FILIP1L: variants seen among roughly 807,000 people sequenced by gnomAD.
FILIP1L encodes the protein filamin A-interacting protein 1-like.
A neutral mutation model predicts 96.6 loss-of-function variants in FILIP1L; 55 were observed. The observed-to-expected ratio is 0.57, with a 90% CI of 0.46 to 0.71. The LOEUF is 0.71. FILIP1L is among the 30% of genes least tolerant of loss of function. The pLI, the probability that FILIP1L is intolerant of heterozygous loss-of-function variation, is 0.00. For synonymous variants in FILIP1L, 467 were observed against 473.9 expected (o/e 0.99, Z 0.19); for missense variants, 1,304 against 1,321.2 (o/e 0.99, Z 0.20).
chr3:99,961,021 C>A (rs546642833), intron 1 of FILIP1L, among the ~76,000 whole-genome samples: 2 of 152,176 alleles, frequency 1.3e-5, no homozygotes, highest in South Asian at 4.1e-4. Flanking sequence ...TTATCAGGAA[C>A]ATATTCGTTA....
chr3:99,963,847 A>G (rs1450424914), intron 1 of FILIP1L, among the ~76,000 whole-genome samples: 1 of 151,836 alleles, frequency 6.6e-6, no homozygotes, highest in Non-Finnish European at 1.5e-5. Context: ...TGAACTCCTC[A>G]TCTTGTGATC....
chr3:100,092,365 A>G (rs2066125056), intron 1 of FILIP1L, among the ~76,000 whole-genome samples: 1 of 152,110 alleles, frequency 6.6e-6, no homozygotes, highest in Admixed American at 6.5e-5. Context: ...GTTTACCCCA[A>G]AGACAATGGT....
intron 5 of FILIP1L, among the ~76,000 whole-genome samples, chr3:99,835,279 C>T (rs1367863629): frequency 6.6e-6 from 1 of 152,192 alleles, no homozygotes; most frequent in Non-Finnish European, 1.5e-5. Flanking sequence ...GCTACTTTGT[C>T]TGGTCCTTGT....
At chr3:99,916,068 G>A (rs942958007) in intron 4 of FILIP1L, among the ~76,000 whole-genome samples, 1 of 152,128 alleles carries the variant, frequency 6.6e-6, no homozygotes, top group East Asian at 1.9e-4. Flanking sequence ...TGAATAGCTG[G>A]TTAAACATTA....
chr3:99,916,482 A>G lies in FILIP1L; in HGVS notation c.605+7748T>C, dbSNP rs1418638784. Among the ~76,000 whole-genome samples the G allele has an allele frequency of 3.8e-5, 5 of 131,916 alleles. No individual in the cohort carries two copies. The Admixed American group carries it at 3.9e-4, about 10-fold the overall frequency. The allele number at this position is 131,916 out of a possible 152,430, so 86.5% of individuals were successfully genotyped here. On this transcript the variant is annotated intron_variant, in intron 4 of 5. Transcript: ENST00000477258. Reference sequence around the variant, plus strand: ...CACACACACACACACACACACACACACACGTTCTGTTTCTCTGGAGGACCC... The same window carrying G: ...CACACACACACACACACACACACACGCACGTTCTGTTTCTCTGGAGGACCC...
intron 4 of FILIP1L, among the ~76,000 whole-genome samples, chr3:99,901,589 A>G (rs927771246): frequency 6.6e-6 from 1 of 152,238 alleles, no homozygotes; most frequent in African/African-American, 2.4e-5. Flanking sequence ...TGTGCTGACA[A>G]TAATATTACA....
intron 4 of FILIP1L, among the ~76,000 whole-genome samples, chr3:99,890,494 CAT>C (rs747064614): frequency 1.3e-4 from 20 of 152,234 alleles, no homozygotes; most frequent in Middle Eastern, 3.4e-3. Flanking sequence ...AGATTAGACA[CAT>C]GTTAGACTTT....
chr3:99,901,238 G>A (rs559331486), intron 4 of FILIP1L, among the ~76,000 whole-genome samples: 5 of 152,300 alleles, frequency 3.3e-5, no homozygotes, highest in African/African-American at 9.6e-5. Flanking sequence ...AAATAGGATA[G>A]TACCTTCCTT....
intron 1 of FILIP1L, among the ~76,000 whole-genome samples, chr3:99,940,996 TC>T (rs1707833695): frequency 6.6e-6 from 1 of 152,244 alleles, no homozygotes; most frequent in Admixed American, 6.5e-5. Context: ...GGCTCCCCTT[TC>T]CCAGCATCTC....
intron 4 of FILIP1L, among the ~76,000 whole-genome samples, chr3:99,867,732 C>T (rs991338058): frequency 1.3e-5 from 2 of 152,138 alleles, no homozygotes; most frequent in Admixed American, 1.3e-4. Flanking sequence ...GTCCTTTCCT[C>T]CCTTCTTTCC....
At position 99,830,462 on chromosome 3, in the gene FILIP1L, C is replaced by G. The variant is rs1414253601; in HGVS notation, c.3525G>C (p.Val1175=). 2.2e-6 allele frequency: 1 copy of G among 456,378 alleles called. No homozygotes were observed. The highest frequency in any genetic ancestry group is 2.3e-5 in the Admixed American group (1 of 42,556). 28.3% of individuals were successfully genotyped at this position (456,378 alleles called of 1,614,324 possible). Residue 1175 remains valine, a synonymous_variant, in exon 6 of 6, where the codon GTG becomes GTC. Coordinates refer to ENST00000477258, the MANE Select transcript of FILIP1L (RefSeq NM_001387850.1). ...GGAAGGTGTTGGAGGTGACAGTTCT[C>G]ACGATGTGTAGCTTCCCACAGCCAT... ...YQNGCGKLHI[V]RTVTSNTFLH...
chr3:99,860,819 A>G (rs1033559691), intron 4 of FILIP1L, among the ~76,000 whole-genome samples: 4 of 152,178 alleles, frequency 2.6e-5, no homozygotes, highest in Non-Finnish European at 5.9e-5. Flanking sequence ...CTTCTGCAGT[A>G]CTGTATTGTT....
At chr3:99,836,915 G>T (rs1229519106) in intron 5 of FILIP1L, among the ~76,000 whole-genome samples, 2 of 152,208 alleles carry the variant, frequency 1.3e-5, no homozygotes, top group East Asian at 3.8e-4. Context: ...ACAGAGCCAT[G>T]CAGTAAGGAC....
At chr3:99,988,750 A>T (rs548299903) in intron 1 of FILIP1L, among the ~76,000 whole-genome samples, 1 of 152,286 alleles carries the variant, frequency 6.6e-6, no homozygotes, top group South Asian at 2.1e-4. Flanking sequence ...TGCCTCTATA[A>T]CTTTTACAGA....
intron 4 of FILIP1L, among the ~76,000 whole-genome samples, chr3:99,905,678 C>G (rs1270609534): frequency 6.6e-6 from 1 of 152,192 alleles, no homozygotes; most frequent in Non-Finnish European, 1.5e-5. Context: ...CCACTAGCCT[C>G]CTTTGTGGCA....
chr3:100,060,139 A>G (rs2065536265), intron 1 of FILIP1L, among the ~76,000 whole-genome samples: 1 of 152,084 alleles, frequency 6.6e-6, no homozygotes. Context: ...GGTGTGTGTC[A>G]CATGGTGGGT....
intron 1 of FILIP1L, among the ~76,000 whole-genome samples, chr3:99,961,989 G>T (rs568561319): frequency 1.1e-4 from 16 of 152,296 alleles, no homozygotes; most frequent in African/African-American, 2.6e-4. Flanking sequence ...TATTATAGGG[G>T]CCCCAAATTT....
intron 1 of FILIP1L, chr3:100,011,576 A>G (rs187454909): frequency 6.6e-6 from 1 of 152,350 alleles, no homozygotes; most frequent in Non-Finnish European, 1.5e-5. Flanking sequence ...ATGGAATATT[A>G]GCACTTATTG....
intron 1 of FILIP1L, among the ~76,000 whole-genome samples, chr3:99,980,776 G>A (rs1709097079): frequency 6.6e-6 from 1 of 152,132 alleles, no homozygotes; most frequent in African/African-American, 2.4e-5. Flanking sequence ...AGTTACAGGT[G>A]TGACTTGTTT....
Sources: allele counts gnomAD v4.1 joint callset (sites outside exome capture counted in the v4.1 genomes callset), GRCh38; gene constraint gnomAD v4.1.1; transcripts MANE v1.5; gene names NCBI Gene and HGNC (gene_info 2026-07-23, HGNC 2026-07-21).